ASTN2: variants seen among roughly 807,000 people sequenced by gnomAD.
ASTN2 encodes the protein astrotactin 2, also known as astrotactin-2.
ASTN2 carries 54 observed loss-of-function variants against 139.8 expected under a neutral mutation model. The ratio of observed to expected loss-of-function variants is 0.39; its 90% CI spans 0.31 to 0.48. The LOEUF is 0.48. Ranked by LOEUF, ASTN2 falls within the 20% of genes least tolerant of loss-of-function variation. ASTN2 has a pLI of 0.95. For synonymous variants in ASTN2, 756 were observed against 719.5 expected (o/e 1.05, Z -0.81); for missense variants, 1,565 against 1,725.1 (o/e 0.91, Z 1.64).
At chr9:116,431,086 G>C (rs1295875978) in intron 22 of ASTN2, among the ~76,000 whole-genome samples, 1 of 152,224 alleles carries the variant, frequency 6.6e-6, no homozygotes, top group African/African-American at 2.4e-5. Flanking sequence ...GCAAGACTGA[G>C]ACAGGAATCG....
At chr9:116,693,617 G>A (rs990627649) in intron 16 of ASTN2, among the ~76,000 whole-genome samples, 4 of 152,086 alleles carry the variant, frequency 2.6e-5, no homozygotes, top group African/African-American at 9.7e-5. Flanking sequence ...GAGGTGGGAG[G>A]TCAAGAATTA....
intron 17 of ASTN2, among the ~76,000 whole-genome samples, chr9:116,643,815 CAG>C (rs1857458460): frequency 6.6e-6 from 1 of 152,222 alleles, no homozygotes; most frequent in Admixed American, 6.5e-5. Flanking sequence ...TTCTCCCTCT[CAG>C]AGTTTCTTTC....
chr9:117,001,026 C>T (rs962091153), intron 7 of ASTN2, among the ~76,000 whole-genome samples: 2 of 152,166 alleles, frequency 1.3e-5, no homozygotes, highest in Admixed American at 1.3e-4. Flanking sequence ...TGGAAAAACA[C>T]ACTGGAAATG....
intron 19 of ASTN2, among the ~76,000 whole-genome samples, chr9:116,528,272 A>G (rs1564344326): frequency 6.6e-6 from 1 of 152,214 alleles, no homozygotes; most frequent in African/African-American, 2.4e-5. Context: ...CACTCTTGGT[A>G]TGCTTTAGCA....
chr9:116,878,839 T>G (rs1833372280), intron 10 of ASTN2, among the ~76,000 whole-genome samples: 1 of 151,678 alleles, frequency 6.6e-6, no homozygotes, highest in African/African-American at 2.4e-5. Context: ...TATTTATTCA[T>G]AAAGTACCCA....
chr9:117,038,736 T>C (rs1222269954), intron 6 of ASTN2, among the ~76,000 whole-genome samples: 1 of 152,204 alleles, frequency 6.6e-6, no homozygotes, highest in African/African-American at 2.4e-5. Context: ...AAGACGGTGA[T>C]GGCATGTGAG....
Position 117,113,172 on chromosome 9 carries a change from C to A in ASTN2, c.1169-17021G>T, listed in dbSNP as rs925276162. 4.6e-5 allele frequency among the ~76,000 whole-genome samples: 7 copies of A among 152,246 alleles called. No individual in the cohort carries two copies. In the South Asian group the frequency reaches 6.2e-4, roughly 14 times the overall value. On this transcript the variant is annotated intron_variant, in intron 4 of 22. Coordinates refer to ENST00000313400, the MANE Select transcript of ASTN2 (RefSeq NM_001365068.1). Reference sequence around the variant, plus strand: ...ATCATGTATCCACTTTGGAAAAAAACCCTATTTCTCAAAATGTTAATTCTA... The same window carrying A: ...ATCATGTATCCACTTTGGAAAAAAAACCTATTTCTCAAAATGTTAATTCTA...
intron 19 of ASTN2, among the ~76,000 whole-genome samples, chr9:116,570,521 G>A (rs915956198): frequency 1.3e-5 from 2 of 151,894 alleles, no homozygotes; most frequent in African/African-American, 4.8e-5. Flanking sequence ...TCAGCCTCTC[G>A]AGTAGCTGGG....
intron 2 of ASTN2, among the ~76,000 whole-genome samples, chr9:117,260,143 C>T (rs1465753649): frequency 6.6e-6 from 1 of 152,076 alleles, no homozygotes; most frequent in Admixed American, 6.6e-5. Context: ...AACGTTGCCC[C>T]TAAAAACCCT....
At chr9:117,087,887 T>G (rs111364743) in intron 5 of ASTN2, among the ~76,000 whole-genome samples, 2,247 of 152,308 alleles carry the variant, frequency 0.015, 65 homozygotes, top group African/African-American at 0.051. Flanking sequence ...AGCCCCATTA[T>G]TTTCTGGGTA....
chr9:117,217,210 G>A (rs1290865362), intron 2 of ASTN2, among the ~76,000 whole-genome samples: 1 of 152,196 alleles, frequency 6.6e-6, no homozygotes, highest in Non-Finnish European at 1.5e-5. Flanking sequence ...TGCAATGGGT[G>A]CATCTTCTCT....
chr9:116,728,235 A>G lies in ASTN2; in HGVS notation c.2626+757T>C, dbSNP rs534486860. Among the ~76,000 whole-genome samples, 59 of 152,314 alleles carry G rather than the reference A, an allele frequency of 3.9e-4. 1 individual carries two copies. The South Asian group carries it at 0.012, about 30-fold the overall frequency. ...TAAATAAGACCCAAGCCCCGCCCAC[A>G]GTTCTCAGGTCATAGACAAGATTCC... On this transcript the variant is annotated intron_variant, in intron 15 of 22. Transcript: ENST00000313400.
At chr9:117,278,284 A>G (rs1395230771) in intron 2 of ASTN2, among the ~76,000 whole-genome samples, 1 of 152,244 alleles carries the variant, frequency 6.6e-6, no homozygotes, top group Non-Finnish European at 1.5e-5. Flanking sequence ...TTTTCCAGCC[A>G]CTATGACCTT....
intron 3 of ASTN2, among the ~76,000 whole-genome samples, chr9:117,170,902 T>G (rs1175177556): frequency 6.6e-6 from 1 of 152,100 alleles, no homozygotes; most frequent in African/African-American, 2.4e-5. Context: ...CCACATTAGG[T>G]TCCACAAATA....
chr9:117,193,639 CAAAAAAAAAAA>C (rs61700943), intron 3 of ASTN2, among the ~76,000 whole-genome samples: 11 of 106,108 alleles, frequency 1.0e-4, no homozygotes, highest in African/African-American at 3.7e-4. Context: ...ATTCAGTCAC[CAAAAAAAAAAA>C]AAAAAAGAAA....
intron 19 of ASTN2, among the ~76,000 whole-genome samples, chr9:116,554,853 C>G (rs896417929): frequency 4.6e-5 from 7 of 151,940 alleles, no homozygotes; most frequent in Non-Finnish European, 1.0e-4. Flanking sequence ...GAGTCAATTT[C>G]AAGAAAAACA....
chr9:116,487,101 C>T (rs1416072719), intron 20 of ASTN2, among the ~76,000 whole-genome samples: 2 of 152,136 alleles, frequency 1.3e-5, no homozygotes, highest in Non-Finnish European at 2.9e-5. Flanking sequence ...CTCTGAGCTA[C>T]AGATTTCTAA....
intron 2 of ASTN2, among the ~76,000 whole-genome samples, chr9:117,258,847 G>T (rs1194247216): frequency 6.6e-6 from 1 of 151,962 alleles, no homozygotes; most frequent in Non-Finnish European, 1.5e-5. Context: ...GTATTTTCCA[G>T]TGTCACCCCA....
chr9:116,492,536 T>C (rs1564315846), intron 19 of ASTN2, among the ~76,000 whole-genome samples: 1 of 152,120 alleles, frequency 6.6e-6, no homozygotes, highest in African/African-American at 2.4e-5. Flanking sequence ...AGGAGGAGAT[T>C]TGGAACAAAA....
Sources: gnomAD v4.1 joint callset for allele counts (sites outside exome capture counted in the v4.1 genomes callset) on GRCh38, gnomAD v4.1.1 for gene constraint, MANE v1.5 for transcripts, NCBI Gene and HGNC (gene_info 2026-07-23, HGNC 2026-07-21) for gene names.